Variants in HPSE2 observed in about 807,000 individuals in gnomAD.
HPSE2 encodes inactive heparanase-2.
Under a neutral mutation model 60.5 loss-of-function variants are expected in HPSE2, and 38 were observed. The observed-to-expected ratio is 0.63, with a 90% CI of 0.48 to 0.82. HPSE2 has a LOEUF of 0.82. HPSE2 is among the 40% of genes least tolerant of loss of function. The pLI, the probability that HPSE2 is intolerant of heterozygous loss-of-function variation, is 0.00. For synonymous variants in HPSE2, 295 were observed against 293.2 expected (o/e 1.01, Z -0.06); for missense variants, 713 against 740.4 (o/e 0.96, Z 0.43).
intron 11 of HPSE2, among the ~76,000 whole-genome samples, chr10:98,467,149 G>T (rs560522344): frequency 1.3e-5 from 2 of 152,178 alleles, no homozygotes; most frequent in South Asian, 4.2e-4. Flanking sequence ...TCAAGTCAGG[G>T]GTGCTCCCAC....
intron 3 of HPSE2, among the ~76,000 whole-genome samples, chr10:98,924,136 T>C (rs999141779): frequency 6.6e-6 from 1 of 152,212 alleles, no homozygotes; most frequent in African/African-American, 2.4e-5. Context: ...ACTGCTGTGG[T>C]GGTTGTGGGT....
chr10:98,669,699 T>G (rs1290045970), intron 6 of HPSE2, among the ~76,000 whole-genome samples: 1 of 152,062 alleles, frequency 6.6e-6, no homozygotes, highest in Non-Finnish European at 1.5e-5. Context: ...GACATAAACA[T>G]GGGAACAATA....
chr10:98,551,788 T>C (rs1480854257), intron 9 of HPSE2, among the ~76,000 whole-genome samples: 1 of 152,182 alleles, frequency 6.6e-6, no homozygotes, highest in Non-Finnish European at 1.5e-5. Flanking sequence ...TTACTGTTGC[T>C]TACAACCAAA....
chr10:99,172,788 G>A (rs1255729856), intron 2 of HPSE2, among the ~76,000 whole-genome samples: 4 of 152,108 alleles, frequency 2.6e-5, no homozygotes, highest in African/African-American at 9.7e-5. Flanking sequence ...TGTGGCAGGA[G>A]CATCGCTTGA....
intron 3 of HPSE2, among the ~76,000 whole-genome samples, chr10:99,078,970 T>A (rs1299167981): frequency 6.6e-6 from 1 of 152,136 alleles, no homozygotes; most frequent in Admixed American, 6.5e-5. Flanking sequence ...CGAGACTGAA[T>A]CCAGTCTCTT....
intron 6 of HPSE2, among the ~76,000 whole-genome samples, chr10:98,645,225 T>C (rs1423701832): frequency 6.6e-6 from 1 of 152,152 alleles, no homozygotes; most frequent in African/African-American, 2.4e-5. Flanking sequence ...ATCAAAAATA[T>C]ACAGAATATC....
At chr10:99,080,949 T>A (rs1843113280) in intron 3 of HPSE2, among the ~76,000 whole-genome samples, 1 of 152,202 alleles carries the variant, frequency 6.6e-6, no homozygotes, top group Non-Finnish European at 1.5e-5. Flanking sequence ...GTTTCTTGAA[T>A]TCTAAAATTT....
At chr10:98,665,661 C>T (rs554703476) in intron 6 of HPSE2, among the ~76,000 whole-genome samples, 2 of 152,170 alleles carry the variant, frequency 1.3e-5, no homozygotes, top group South Asian at 4.2e-4. Flanking sequence ...AAATTCCAAC[C>T]AACAATTTCA....
intron 3 of HPSE2, among the ~76,000 whole-genome samples, chr10:98,761,052 C>T (rs1949993150): frequency 6.6e-6 from 1 of 152,022 alleles, no homozygotes; most frequent in African/African-American, 2.4e-5. Context: ...AGGTTGTATG[C>T]TTCCAGAAAT....
intron 3 of HPSE2, among the ~76,000 whole-genome samples, chr10:99,094,078 T>C (rs1362302861): frequency 1.3e-5 from 2 of 152,220 alleles, no homozygotes; most frequent in Non-Finnish European, 2.9e-5. Context: ...TTTCACAGTT[T>C]CTAATATTTT....
intron 3 of HPSE2, among the ~76,000 whole-genome samples, chr10:98,788,772 C>T (rs1950589893): frequency 6.6e-6 from 1 of 151,418 alleles, no homozygotes; most frequent in Non-Finnish European, 1.5e-5. Flanking sequence ...TTGCGCTTCC[C>T]AGGTGAGGCA....
chr10:98,575,301 C>T (rs1944612007), intron 9 of HPSE2, among the ~76,000 whole-genome samples: 1 of 152,152 alleles, frequency 6.6e-6, no homozygotes, highest in South Asian at 2.1e-4. Context: ...TACCCATTCT[C>T]AGGGTACCCA....
At chr10:98,766,606 A>G (rs544707751) in intron 3 of HPSE2, among the ~76,000 whole-genome samples, 29 of 152,318 alleles carry the variant, frequency 1.9e-4, no homozygotes, top group African/African-American at 7.0e-4. Context: ...TATTCCAGCA[A>G]TGAAAGGCTG....
the HPSE2 span, among the ~76,000 whole-genome samples, chr10:99,287,778 A>C: frequency 6.6e-6 from 1 of 152,206 alleles, no homozygotes; most frequent in Non-Finnish European, 1.5e-5. Context: ...TTGATGTCTC[A>C]AGCTCATTCA....
At chr10:98,521,013 G>T (rs994792175) in intron 9 of HPSE2, among the ~76,000 whole-genome samples, 7 of 152,214 alleles carry the variant, frequency 4.6e-5, no homozygotes, top group Non-Finnish European at 1.0e-4. Flanking sequence ...AGACTTAAGT[G>T]TTAGACCTAA....
intron 6 of HPSE2, among the ~76,000 whole-genome samples, chr10:98,655,359 T>C (rs1045701947): frequency 1.3e-5 from 2 of 152,146 alleles, no homozygotes; most frequent in African/African-American, 4.8e-5. Context: ...GCTCCCAGGT[T>C]TTTAAGCTCA....
chr10:98,800,058 A>G (rs560555009), intron 3 of HPSE2, among the ~76,000 whole-genome samples: 5 of 152,150 alleles, frequency 3.3e-5, no homozygotes, highest in East Asian at 1.9e-4. Flanking sequence ...AGAAAAAAAA[A>G]GGGAGAAGAC....
chr10:98,848,139 C>T (rs1186376573), intron 3 of HPSE2, among the ~76,000 whole-genome samples: 2 of 152,030 alleles, frequency 1.3e-5, no homozygotes, highest in African/African-American at 4.8e-5. Flanking sequence ...AAGGAAGAGC[C>T]AGGTGTGGTG....
At chr10:99,263,008 G>T in the HPSE2 span, among the ~76,000 whole-genome samples, 1 of 152,112 alleles carries the variant, frequency 6.6e-6, no homozygotes, top group Non-Finnish European at 1.5e-5. Flanking sequence ...CAAGAGCCAG[G>T]ACCGTGCCCT....
Sources: gnomAD v4.1 joint callset for allele counts (sites outside exome capture counted in the v4.1 genomes callset) on GRCh38, gnomAD v4.1.1 for gene constraint, MANE v1.5 for transcripts, NCBI Gene and HGNC (gene_info 2026-07-23, HGNC 2026-07-21) for gene names.